MORN2: variants seen among roughly 807,000 people sequenced by gnomAD.
MORN2 encodes the protein MORN repeat containing 2.
In MORN2, 15 loss-of-function variants were observed where a neutral mutation model predicts 13.4. That is an observed-to-expected ratio of 1.12 (90% confidence interval 0.75 to 1.72). MORN2 has a LOEUF of 1.72. MORN2 is among the 40% of genes most tolerant of loss of function. The probability of loss-of-function intolerance (pLI) is 0.00; values close to 1 mark genes in which losing one functional copy is unlikely to be tolerated. For missense variants in MORN2, 168 were observed against 134.6 expected, an observed-to-expected ratio of 1.25 and a Z score of -1.23; for synonymous variants, 46 against 43.6, an observed-to-expected ratio of 1.06 and a Z score of -0.22.
Position 38,876,011 on chromosome 2 carries a change from C to G in MORN2, c.-42C>G. On this transcript the variant is annotated 5_prime_UTR_variant, in exon 1 of 5. Transcript: ENST00000644631. ...CGGTCGCCCCAGCAACCAAGTCGCA[C>G]CTGGAGCTGTCCTAGCGCCTAGTTC... 2.5e-6 allele frequency: 1 copy of G among 398,872 alleles called. No individual in the cohort carries two copies. Among genetic ancestry groups the G allele is most frequent in the Non-Finnish European group, 4.4e-6 (1 of 226,286 alleles). 24.7% of individuals were successfully genotyped at this position (398,872 alleles called of 1,614,324 possible).
At chr2:38,878,976 T>C (rs1414353294) in intron 1 of MORN2, among the ~76,000 whole-genome samples, 2 of 152,246 alleles carry the variant, frequency 1.3e-5, no homozygotes, top group African/African-American at 4.8e-5. Context: ...ATACCGTCTC[T>C]ACATAAGTTT....
rs1256706761 is a variant in MORN2 at position 38,881,477 on chromosome 2, A to T, written c.252A>T (p.Gly84=). The stretch of plus-strand genomic sequence containing the variant: ...TTGGAAGACTTGAGCATTTTTCAGG[A>T]GCAGTATATGAAGGACAATTTAAGG... The change falls in exon 4 of 5, where the codon GGA becomes GGT. Residue 84 remains glycine, a synonymous_variant. Transcript: ENST00000644631. 6.5e-7 allele frequency: 1 copy of T among 1,539,750 alleles called. No individual in the cohort carries two copies. Among genetic ancestry groups the T allele is most frequent in the Non-Finnish European group, 8.7e-7 (1 of 1,143,360 alleles).
At chr2:38,879,562 A>G (rs1665730914) in intron 1 of MORN2, among the ~76,000 whole-genome samples, 1 of 152,188 alleles carries the variant, frequency 6.6e-6, no homozygotes, top group African/African-American at 2.4e-5. Context: ...GATTTCATTT[A>G]TAAGAAATGT....
Position 38,882,403 on chromosome 2 carries a change from A to G in MORN2, c.354-10A>G, listed in dbSNP as rs1199254973. On this transcript the variant is annotated splice_polypyrimidine_tract_variant and intron_variant, in intron 4 of 4. Transcript: ENST00000644631. ...TTTGTTAATGGAAAACTTATTTTCT[A>G]CTATTGCAGGGTGGAAGGTGAAGGG... The G allele has an allele frequency of 1.3e-6, 2 of 1,517,830 alleles. No homozygotes were observed. The highest frequency in any genetic ancestry group is 1.8e-6 in the Non-Finnish European group (2 of 1,119,504). The allele number at this position is 1,517,830 out of a possible 1,614,324, so 94.0% of individuals were successfully genotyped here.
intron 1 of MORN2, among the ~76,000 whole-genome samples, chr2:38,879,621 G>C (rs866135137): frequency 3.3e-5 from 5 of 152,220 alleles, no homozygotes; most frequent in African/African-American, 1.2e-4. Flanking sequence ...TGGTTGCCAG[G>C]GGTTTGGGGT....
chr2:38,878,624 A>G (rs536031417), intron 1 of MORN2, among the ~76,000 whole-genome samples: 1 of 151,978 alleles, frequency 6.6e-6, no homozygotes, highest in African/African-American at 2.4e-5. Flanking sequence ...ATTTGTTTTC[A>G]ATTGTATCTA....
intron 1 of MORN2, among the ~76,000 whole-genome samples, chr2:38,876,974 A>G (rs911318905): frequency 6.6e-6 from 1 of 152,262 alleles, no homozygotes; most frequent in Admixed American, 6.5e-5. Flanking sequence ...ACCCCTAACT[A>G]CTACACTCTA....
chr2:38,882,321 CA>C, intron 4 of MORN2, 91 bp from the exon 5 acceptor site: 1 of 418,510 alleles, frequency 2.4e-6, no homozygotes, highest in South Asian at 4.4e-5. Flanking sequence ...ATATAATCTT[CA>C]GACATAGTAT....
Position 38,882,680 on chromosome 2 carries a change from A to G in MORN2, c.*165A>G. On this transcript the variant is annotated 3_prime_UTR_variant, in exon 5 of 5. Coordinates refer to ENST00000644631, the MANE Select transcript of MORN2 (RefSeq NM_001145450.3). ...TTGAACTTTATATTCATTGTCTTACAATTAGTTTAAAATAAATGACATGAT... is the reference window on the plus strand; with the variant it reads ...TTGAACTTTATATTCATTGTCTTACGATTAGTTTAAAATAAATGACATGAT... 2 of 451,596 alleles carry G rather than the reference A, an allele frequency of 4.4e-6. No individual in the cohort carries two copies. Among genetic ancestry groups the G allele is most frequent in the East Asian group, 6.7e-5 (2 of 29,670 alleles). The allele number at this position is 451,596 out of a possible 1,614,324, so 28.0% of individuals were successfully genotyped here.
At chr2:38,876,165 C>T (rs1257129909) in intron 1 of MORN2, 55 bp downstream of exon 1, 1 of 398,630 alleles carries the variant, frequency 2.5e-6, no homozygotes, top group African/African-American at 2.1e-5. Context: ...TTAAGTCGAA[C>T]TAGCGTGGAG....
chr2:38,879,075 C>T (rs1272603904), intron 1 of MORN2, among the ~76,000 whole-genome samples: 3 of 152,152 alleles, frequency 2.0e-5, no homozygotes, highest in Admixed American at 6.5e-5. Context: ...TCTTGCGGTC[C>T]TCTTTCTTCC....
intron 1 of MORN2, among the ~76,000 whole-genome samples, chr2:38,878,518 T>G (rs1047536397): frequency 6.6e-6 from 1 of 151,442 alleles, no homozygotes; most frequent in Non-Finnish European, 1.5e-5. Context: ...TGCTACTTTC[T>G]TTTTTTTTAA....
chr2:38,877,426 C>T (rs1179316079), intron 1 of MORN2, among the ~76,000 whole-genome samples: 1 of 152,038 alleles, frequency 6.6e-6, no homozygotes, highest in Admixed American at 6.6e-5. Flanking sequence ...CTGTATACCA[C>T]CATACTTCAC....
In MORN2 at chr2:38,881,570, T is replaced by A; in HGVS notation, c.345T>A (p.Asn115Lys). 6.6e-7 allele frequency: 1 copy of A among 1,513,348 alleles called. No homozygotes were observed. The highest frequency in any genetic ancestry group is 8.8e-7 in the Non-Finnish European group (1 of 1,135,242). 93.7% of individuals were successfully genotyped at this position (1,513,348 alleles called of 1,614,324 possible). A position where few individuals can be genotyped will look rare whatever the true frequency, so the allele number is the denominator to read the frequency against. Residue 115 changes from asparagine to lysine, a missense_variant, in exon 4 of 5, where the codon AAT becomes AAA. By Grantham distance (94) the Asn-to-Lys change is moderately conservative (BLOSUM62 0). Transcript: ENST00000644631. ...GGGCAAAGTATACTGGAAATTTCAA[T>A]GAAAATAGGTAAGCTTAAAATAAAA...
At chr2:38,877,928 A>G (rs1665693715) in intron 1 of MORN2, among the ~76,000 whole-genome samples, 1 of 151,618 alleles carries the variant, frequency 6.6e-6, no homozygotes, top group Non-Finnish European at 1.5e-5. Context: ...CCCAAGTAGC[A>G]TGGACAACAA....
intron 1 of MORN2, among the ~76,000 whole-genome samples, chr2:38,878,826 G>C: frequency 6.6e-6 from 1 of 152,168 alleles, no homozygotes; most frequent in South Asian, 2.1e-4. Context: ...CCTCAGTGAT[G>C]AGCCTCCAAG....
At chr2:38,877,383 A>C (rs9808136) in intron 1 of MORN2, among the ~76,000 whole-genome samples, 91,122 of 152,044 alleles carry the variant, frequency 0.6, 29,477 homozygotes, top group East Asian at 0.82. Context: ...GCAGACATGT[A>C]AATAACTAAT....
intron 4 of MORN2, among the ~76,000 whole-genome samples, chr2:38,882,196 TG>T (rs1367844049): frequency 2.0e-5 from 3 of 151,938 alleles, no homozygotes; most frequent in African/African-American, 2.4e-5. Context: ...AATAATTGTT[TG>T]TTTTTGTTTG....
Position 38,881,576 on chromosome 2 carries a change from T to C in MORN2, c.351T>C (p.Asn117=), listed in dbSNP as rs1249845356. 1 of 1,506,888 alleles carries C rather than the reference T, an allele frequency of 6.6e-7. No homozygotes were observed. The highest frequency in any genetic ancestry group is 8.8e-7 in the Non-Finnish European group (1 of 1,132,036). 93.3% of individuals were successfully genotyped at this position (1,506,888 alleles called of 1,614,324 possible). The change falls in exon 4 of 5, where the codon AAT becomes AAC. Residue 117 remains asparagine (N), a splice_region_variant and synonymous_variant. Coordinates refer to ENST00000644631, the MANE Select transcript of MORN2 (RefSeq NM_001145450.3). ...AGTATACTGGAAATTTCAATGAAAA[T>C]AGGTAAGCTTAAAATAAAAAAAAAT...
Sources: gnomAD v4.1 joint callset for allele counts (sites outside exome capture counted in the v4.1 genomes callset) on GRCh38, gnomAD v4.1.1 for gene constraint, MANE v1.5 for transcripts, NCBI Gene and HGNC (gene_info 2026-07-23, HGNC 2026-07-21) for gene names.